The following SPTBN2 variants were observed in gnomAD, a reference collection of about 807,000 sequenced individuals.
SPTBN2 encodes spectrin beta chain, non-erythrocytic 2.
SPTBN2 carries 107 observed loss-of-function variants against 284.2 expected under a neutral mutation model. The observed-to-expected ratio is 0.38, with a 90% CI of 0.32 to 0.44. The LOEUF (loss-of-function observed/expected upper bound fraction) is 0.44, where lower values mean the gene tolerates loss of function less well. Among genes scored for constraint, SPTBN2 ranks in the 20% least tolerant of loss-of-function variants. SPTBN2 has a pLI of 1.00. For missense variants in SPTBN2, 2,569 were observed against 3,287.1 expected (o/e 0.78, Z 5.34); for synonymous variants, 1,289 against 1,354.8 (o/e 0.95, Z 1.07).
Position 66,688,835 on chromosome 11 carries a change from C to G in SPTBN2, c.6049G>C (p.Val2017Leu). Residue 2017 changes from valine (V) to leucine (L), a missense_variant, in exon 31 of 38, where the codon GTG becomes CTG. Transcript: ENST00000533211. ...GCCATCCCTGCATCTCTTCCAAACA[C>G]AAGCACCTCCAAAACTGGCAGGATC... ...DWLQLVLEVL[V>L]FGRDAGMAEA... 6.2e-7 allele frequency: 1 copy of G among 1,612,200 alleles called. No homozygotes were observed. The highest frequency in any genetic ancestry group is 8.5e-7 in the Non-Finnish European group (1 of 1,180,004).
chr11:66,688,425 CAG>C (rs1453025678), intron 31 of SPTBN2, 114 bp from the exon 32 acceptor site: 12 of 1,534,142 alleles, frequency 7.8e-6, no homozygotes, highest in African/African-American at 1.4e-5. Context: ...AAGAGGAGAA[CAG>C]AATTTGAGAA....
At position 66,705,308 on chromosome 11, in the gene SPTBN2, C is replaced by T; in HGVS notation, c.1968G>A (p.Trp656Ter). The T allele has an allele frequency of 6.2e-7, 1 of 1,607,136 alleles. No homozygotes were observed. Among genetic ancestry groups the T allele is most frequent in the Non-Finnish European group, 8.5e-7 (1 of 1,179,278 alleles). ...FLWEVGEAEA[W>*]VREQQHLLAS... ...CCAGGAGGTGCTGCTGCTCCCGCACCCAGGCCTCAGCTTCACCCACCTCCC... is the reference window on the plus strand; with the variant it reads ...CCAGGAGGTGCTGCTGCTCCCGCACTCAGGCCTCAGCTTCACCCACCTCCC... Residue 656 changes from tryptophan (W) to a stop codon, truncating the protein, a stop_gained, in exon 15 of 38, where the codon TGG becomes TGA. Coordinates refer to ENST00000533211, the MANE Select transcript of SPTBN2 (RefSeq NM_006946.4). LOFTEE classifies it high-confidence loss of function.
At chr11:66,694,042 G>T (rs889344073) in intron 22 of SPTBN2, 97 bp downstream of exon 22, 23 of 1,473,396 alleles carry the variant, frequency 1.6e-5, no homozygotes, top group Non-Finnish European at 1.9e-5. Flanking sequence ...AGAGAAGAGG[G>T]AATAGAGCCC....
intron 21 of SPTBN2, among the ~76,000 whole-genome samples, chr11:66,694,844 C>T (rs550079965): frequency 2.6e-5 from 4 of 152,350 alleles, no homozygotes; most frequent in South Asian, 2.1e-4. Context: ...GCAGAGGGCG[C>T]TGGAGGGACA....
In SPTBN2 at chr11:66,693,523, C is replaced by T. The variant is rs1240385650; in HGVS notation, c.4594-77G>A. On this transcript the variant is annotated intron_variant, in intron 23 of 37. Coordinates refer to ENST00000533211, the MANE Select transcript of SPTBN2 (RefSeq NM_006946.4). This position sits in a 1 kb window ranked among gnomAD's most constrained non-coding sequence, Gnocchi z 5.7. ...GTGCTCCCGGAGACCACCCTTCACC[C>T]CTGTGCCTCTCTCCTTCCTGGGTCC... 8 of 1,543,676 alleles carry T rather than the reference C, an allele frequency of 5.2e-6. No individual in the cohort carries two copies. The highest frequency in any genetic ancestry group is 1.4e-5 in the African/African-American group (1 of 73,414).
Position 66,687,565 on chromosome 11 carries a change from G to C in SPTBN2, c.6584C>G (p.Pro2195Arg). The change falls in exon 35 of 38, where the codon CCC becomes CGC. Residue 2195 changes from proline (P) to arginine (R), a missense_variant. Physicochemically the swap from Pro to Arg is moderately radical, Grantham distance 103. Coordinates refer to ENST00000533211, the MANE Select transcript of SPTBN2 (RefSeq NM_006946.4). The surrounding 1 kb of genome is among the most constrained non-coding windows in gnomAD (Gnocchi z 5.2). Reference protein sequence around the residue: ...RTRGPAPSAMPQSRSTESAHA... With the variant: ...RTRGPAPSAMRQSRSTESAHA... ...GGCTGACTCGGTAGACCTGCTCTGG[G>C]GCATTGCAGATGGGGCCGGGCCCCG... The C allele has an allele frequency of 6.2e-7, 1 of 1,612,104 alleles. No individual in the cohort carries two copies. The highest frequency in any genetic ancestry group is 1.1e-5 in the South Asian group (1 of 91,070).
In SPTBN2 at chr11:66,690,460, C is replaced by G. The variant is rs895502482; in HGVS notation, c.5566-177G>C. On this transcript the variant is annotated intron_variant, in intron 27 of 37. Coordinates refer to ENST00000533211, the MANE Select transcript of SPTBN2 (RefSeq NM_006946.4). ...AGGCAGGGGCTGGCCACACTCTGCC[C>G]TGTTGGGTCTCATCTAGACACCTGG... 2.8e-5 allele frequency: 23 copies of G among 832,416 alleles called. No homozygotes were observed. In the South Asian group the frequency reaches 4.2e-4, roughly 15 times the overall value. The allele number at this position is 832,416 out of a possible 1,614,324, so 51.6% of individuals were successfully genotyped here. A position where few individuals can be genotyped will look rare whatever the true frequency, so the allele number is the denominator to read the frequency against.
Position 66,714,415 on chromosome 11 carries a change from G to C in SPTBN2, c.484-8C>G. ...CACACTGATGTCTTGGATCTAGGAA[G>C]GAAGCAAGCAGGGCCCTCAGTCCCT... On this transcript the variant is annotated splice_region_variant and splice_polypyrimidine_tract_variant and intron_variant, in intron 5 of 37. Transcript: ENST00000533211. The C allele has an allele frequency of 1.2e-6, 2 of 1,613,070 alleles. No homozygotes were observed. Among genetic ancestry groups the C allele is most frequent in the Non-Finnish European group, 1.7e-6 (2 of 1,179,242 alleles).
intron 15 of SPTBN2, 52 bp downstream of exon 15, chr11:66,704,546 C>T (rs1941415784): frequency 1.3e-6 from 2 of 1,568,126 alleles, no homozygotes; most frequent in Non-Finnish European, 1.7e-6. Flanking sequence ...CATCCTGGCC[C>T]CCCCACCCCC....
In SPTBN2 at chr11:66,705,054, T is replaced by C; in HGVS notation, c.2222A>G (p.Gln741Arg). 6.3e-7 allele frequency: 1 copy of C among 1,597,054 alleles called. No individual in the cohort carries two copies. The change falls in exon 15 of 38, where the codon CAG becomes CGG. Residue 741 changes from glutamine to arginine, a missense_variant. Physicochemically the swap from Gln to Arg is conservative, Grantham distance 43. Around this residue, in one of 6 missense-constraint regions of SPTBN2, gnomAD observed 1,012 missense variants for 1,248.9 expected, o/e 0.81. Coordinates refer to ENST00000533211, the MANE Select transcript of SPTBN2 (RefSeq NM_006946.4). The part of the protein sequence containing the change: ...RLEALAEERA[Q>R]RLAQAASLYQ... ...GAGGCTGGCGGCTTGGGCCAGCCGC[T>C]GGGCACGCTCCTCGGCCAGGGCCTC... is the stretch of plus-strand genomic sequence containing the variant.
At chr11:66,712,227 A>G (rs1439369385) in intron 8 of SPTBN2, among the ~76,000 whole-genome samples, 1 of 152,206 alleles carries the variant, frequency 6.6e-6, no homozygotes, top group Non-Finnish European at 1.5e-5. Flanking sequence ...ATTAAAACAC[A>G]TCAAGTGCAG....
intron 5 of SPTBN2, among the ~76,000 whole-genome samples, chr11:66,714,846 G>T (rs1000022170): frequency 2.0e-5 from 3 of 152,200 alleles, no homozygotes; most frequent in African/African-American, 7.2e-5. Flanking sequence ...GGCAGGCAGA[G>T]TTTATGGCAG....
intron 1 of SPTBN2, among the ~76,000 whole-genome samples, chr11:66,741,693 GCAGGTCAT>G (rs542601607): frequency 8.0e-4 from 122 of 152,298 alleles, no homozygotes; most frequent in South Asian, 2.9e-3. Flanking sequence ...TTAACCAAGG[GCAGGTCAT>G]TTAGTTTCTT....
rs752978829 is a variant in SPTBN2 at position 66,721,064 on chromosome 11, C to A, written c.157+20G>T. 1.1e-5 allele frequency: 17 copies of A among 1,614,040 alleles called. No homozygotes were observed. The Admixed American group carries it at 2.8e-4, about 27-fold the overall frequency. The stretch of plus-strand genomic sequence containing the variant: ...AGCCTCCTCCAGCATCCCCCCACCT[C>A]GACCCTCCTCTGACCTCACCTGCCA... On this transcript the variant is annotated intron_variant, in intron 3 of 37. Coordinates refer to ENST00000533211, the MANE Select transcript of SPTBN2 (RefSeq NM_006946.4).
At chr11:66,733,731 G>C (rs1362212130), upstream of SPTBN2, among the ~76,000 whole-genome samples, 1 of 152,174 alleles carries the variant, frequency 6.6e-6, no homozygotes, top group Admixed American at 6.5e-5. Flanking sequence ...CAATGCAACA[G>C]AACTTCCACT....
chr11:66,687,441 C>T lies in SPTBN2; in HGVS notation c.6708G>A (p.Lys2236=). ...CRKQEMEAFG[K]KAANRSWQNV... ...AGAGGCTGTACCTGTTGGCAGCCTT[C>T]TTCCCGAAGGCCTCCATCTCCTGCT... Residue 2236 remains lysine (K), a synonymous_variant, in exon 35 of 38, where the codon AAG becomes AAA. Transcript: ENST00000533211. The surrounding 1 kb of genome is among the most constrained non-coding windows in gnomAD (Gnocchi z 5.2). The T allele has an allele frequency of 6.2e-7, 1 of 1,607,078 alleles. No individual in the cohort carries two copies. The highest frequency in any genetic ancestry group is 8.5e-7 in the Non-Finnish European group (1 of 1,179,978).
At chr11:66,709,966 G>C (rs552614510) in intron 10 of SPTBN2, among the ~76,000 whole-genome samples, 152 of 152,352 alleles carry the variant, frequency 1.0e-3, no homozygotes, top group African/African-American at 3.4e-3. Context: ...CTAGGATTGG[G>C]TTGCCATGAC....
rs1398767412 is a variant in SPTBN2, at chr11:66,714,331, T to G, written c.560A>C (p.Gln187Pro). The G allele has an allele frequency of 6.2e-7, 1 of 1,613,930 alleles. No homozygotes were observed. Among genetic ancestry groups the G allele is most frequent in the African/African-American group, 1.3e-5 (1 of 74,938 alleles). Residue 187 changes from glutamine (Q) to proline (P), a missense_variant, in exon 6 of 38, where the codon CAG (glutamine) becomes CCG (proline). Coordinates refer to ENST00000533211, the MANE Select transcript of SPTBN2 (RefSeq NM_006946.4). ...SAKDALLLWCQMKTAGYPNVN... is the reference protein window; with the variant it reads ...SAKDALLLWCPMKTAGYPNVN... The stretch of plus-strand genomic sequence containing the variant: ...GTGTCCTCACCCTGCAGTCTTCATC[T>G]GGCACCACAGAAGCAGGGCATCCTT...
intron 15 of SPTBN2, among the ~76,000 whole-genome samples, chr11:66,704,356 G>A (rs1590944450): frequency 2.0e-5 from 3 of 152,356 alleles, no homozygotes; most frequent in African/African-American, 7.2e-5. Context: ...TAAAAGGGCA[G>A]AGAACCAAAT....
Sources: allele counts gnomAD v4.1 joint callset (sites outside exome capture counted in the v4.1 genomes callset), GRCh38; gene constraint gnomAD v4.1.1; regional missense constraint gnomAD v4.1.1; non-coding constraint Gnocchi (gnomAD v3.1); transcripts MANE v1.5; gene names NCBI Gene and HGNC (gene_info 2026-07-23, HGNC 2026-07-21).